Variants in SLC66A2 observed in about 807,000 individuals in gnomAD.
The protein encoded by SLC66A2 is PQ loop repeat containing 1.
Under a neutral mutation model 25.5 loss-of-function variants are expected in SLC66A2, and 23 were observed. The ratio of observed to expected loss-of-function variants is 0.90; its 90% CI spans 0.65 to 1.28. The LOEUF (loss-of-function observed/expected upper bound fraction) is 1.28. Ranked by LOEUF, SLC66A2 falls within the 50% of genes most tolerant of loss-of-function variation. The pLI, the probability that SLC66A2 is intolerant of heterozygous loss-of-function variation, is 0.00. For missense variants in SLC66A2, 396 were observed against 373.1 expected, an observed-to-expected ratio of 1.06 and a Z score of -0.51; for synonymous variants, 193 against 166.5, an observed-to-expected ratio of 1.16 and a Z score of -1.23.
At chr18:79,930,893 G>A (rs1034869046) in intron 4 of SLC66A2, among the ~76,000 whole-genome samples, 2 of 152,148 alleles carry the variant, frequency 1.3e-5, no homozygotes, top group African/African-American at 4.8e-5. Context: ...TTGTTAGGTT[G>A]TAATATATGT....
intron 2 of SLC66A2, among the ~76,000 whole-genome samples, chr18:79,946,087 G>A (rs1173601903): frequency 6.6e-6 from 1 of 152,216 alleles, no homozygotes; most frequent in African/African-American, 2.4e-5. Context: ...AGACGGAGGA[G>A]GAGGCGGGTG....
chr18:79,916,910 C>T (rs193213105), intron 5 of SLC66A2, among the ~76,000 whole-genome samples: 149 of 152,364 alleles, frequency 9.8e-4, no homozygotes, highest in African/African-American at 3.3e-3. Context: ...CCCAGATTTG[C>T]GATGGGTGTC....
chr18:79,912,079 G>T (rs992192172), intron 5 of SLC66A2, among the ~76,000 whole-genome samples: 3 of 140,760 alleles, frequency 2.1e-5, no homozygotes, highest in Non-Finnish European at 4.7e-5. Context: ...GCAGCAGGGA[G>T]GGGACAAGAG....
At position 79,919,296 on chromosome 18, in the gene SLC66A2, C is replaced by T; in HGVS notation, c.496G>A (p.Asp166Asn). 6.2e-7 allele frequency: 1 copy of T among 1,613,328 alleles called. No homozygotes were observed. Among genetic ancestry groups the T allele is most frequent in the Non-Finnish European group, 8.5e-7 (1 of 1,180,026 alleles). ...AGGGTCTCCACAAACAGGGCGGAGT[C>T]AATGGACAGGTAGGTGATGTAGCCC... Reference protein sequence around the residue: ...VAGYITYLSIDSALFVETLGF... With the variant: ...VAGYITYLSINSALFVETLGF... The change falls in exon 5 of 6, where the codon GAC (aspartate) becomes AAC (asparagine). Residue 166 changes from aspartate to asparagine, a missense_variant. Coordinates refer to ENST00000397778, the MANE Select transcript of SLC66A2 (RefSeq NM_025078.5).
At chr18:79,938,260 G>C (rs754278958) in intron 3 of SLC66A2, among the ~76,000 whole-genome samples, 1 of 152,152 alleles carries the variant, frequency 6.6e-6, no homozygotes, top group Non-Finnish European at 1.5e-5. Context: ...CTTGGTAAAC[G>C]CTTGAAATTC....
At chr18:79,924,187 C>T (rs913946557) in intron 4 of SLC66A2, among the ~76,000 whole-genome samples, 8 of 152,262 alleles carry the variant, frequency 5.3e-5, no homozygotes, top group African/African-American at 1.7e-4. Flanking sequence ...AGCTGAGATG[C>T]GTGGTGCAGG....
intron 2 of SLC66A2, chr18:79,949,402 A>T (rs2051041001): frequency 6.6e-6 from 1 of 152,146 alleles, no homozygotes; most frequent in South Asian, 2.1e-4. Flanking sequence ...GCGGTGGCTC[A>T]CGCCTGTAAT....
rs1361548188 is a variant in SLC66A2, at chr18:79,917,588, C to T, written c.608+1596G>A. ...CCGCCGGACAAGGCCCACGTCCAGC[C>T]GGGGAGCCTACATACGACGCCCGCC... On this transcript the variant is annotated intron_variant, in intron 5 of 5. Transcript: ENST00000397778. This position sits in a 1 kb window ranked among gnomAD's most constrained non-coding sequence, Gnocchi z 6.0. Among the ~76,000 whole-genome samples the T allele has an allele frequency of 1.3e-5, 2 of 152,078 alleles. No homozygotes were observed. The highest frequency in any genetic ancestry group is 2.9e-5 in the Non-Finnish European group (2 of 67,976).
At chr18:79,922,399 C>T (rs539904027) in intron 4 of SLC66A2, among the ~76,000 whole-genome samples, 22 of 152,228 alleles carry the variant, frequency 1.4e-4, no homozygotes, top group Admixed American at 1.0e-3. Flanking sequence ...CGCAGCCCCC[C>T]TCGGGTTAAC....
intron 3 of SLC66A2, among the ~76,000 whole-genome samples, chr18:79,939,530 T>C (rs1987451483): frequency 6.6e-6 from 1 of 152,122 alleles, no homozygotes; most frequent in African/African-American, 2.4e-5. Context: ...GGAACTTAAA[T>C]TTACAAGAAA....
rs772106381 is a variant in SLC66A2 at position 79,944,119 on chromosome 18, A to C, written c.204-657T>G. The C allele has an allele frequency of 2.3e-3, 356 of 153,198 alleles. 2 individuals carry two copies. Among genetic ancestry groups the C allele is most frequent in the Non-Finnish European group, 3.1e-3 (209 of 68,344 alleles). The allele number at this position is 153,198 out of a possible 1,614,324, so 9.5% of individuals were successfully genotyped here. A position where few individuals can be genotyped will look rare whatever the true frequency, so the allele number is the denominator to read the frequency against. On this transcript the variant is annotated intron_variant, in intron 2 of 5. Coordinates refer to ENST00000397778, the MANE Select transcript of SLC66A2 (RefSeq NM_025078.5). ...GGCACATTTGGCGCTCCCCAGAACC[A>C]GTGGCCCAGGCACTGGTACCCGGGT...
At position 79,917,314 on chromosome 18, in the gene SLC66A2, T is replaced by G. The variant is rs1984318318; in HGVS notation, c.608+1870A>C. On this transcript the variant is annotated intron_variant, in intron 5 of 5. Transcript: ENST00000397778. This position sits in a 1 kb window ranked among gnomAD's most constrained non-coding sequence, Gnocchi z 6.0. The stretch of plus-strand genomic sequence containing the variant: ...AACAGCAAAACCTGCTACCCTGGAA[T>G]CGAGAGCAACAGCTCCTGCCAAGCC... Among the ~76,000 whole-genome samples, 1 of 152,186 alleles carries G rather than the reference T, an allele frequency of 6.6e-6. No individual in the cohort carries two copies. Among genetic ancestry groups the G allele is most frequent in the Non-Finnish European group, 1.5e-5 (1 of 68,020 alleles).
chr18:79,936,698 A>C (rs989434880), intron 3 of SLC66A2, among the ~76,000 whole-genome samples: 8 of 152,256 alleles, frequency 5.3e-5, no homozygotes, highest in Admixed American at 5.2e-4. Context: ...ACTTTATAAA[A>C]GCAATATTTA....
intron 4 of SLC66A2, among the ~76,000 whole-genome samples, chr18:79,923,653 G>A (rs1013840841): frequency 2.0e-5 from 3 of 152,122 alleles, no homozygotes; most frequent in African/African-American, 4.8e-5. Flanking sequence ...GAAAACATGA[G>A]GAAACACTTC....
intron 2 of SLC66A2, among the ~76,000 whole-genome samples, chr18:79,950,468 T>C (rs111896464): frequency 7.1e-4 from 108 of 152,360 alleles, no homozygotes; most frequent in Middle Eastern, 3.4e-3. Flanking sequence ...TAAGTACCCA[T>C]GTGGAACATC....
rs1048113697 is a variant in SLC66A2 at position 79,904,576 on chromosome 18, C to T, written c.609-393G>A. Among the ~76,000 whole-genome samples, 1 of 152,138 alleles carries T rather than the reference C, an allele frequency of 6.6e-6. No homozygotes were observed. Among genetic ancestry groups the T allele is most frequent in the Non-Finnish European group, 1.5e-5 (1 of 68,008 alleles). ...CAGGGCGAGCAGCTGACGTCAGGGCCCCTGGTGCGCGGTGGCAATTCTGGG... is the reference window on the plus strand; with the variant it reads ...CAGGGCGAGCAGCTGACGTCAGGGCTCCTGGTGCGCGGTGGCAATTCTGGG... On this transcript the variant is annotated intron_variant, in intron 5 of 5. Coordinates refer to ENST00000397778, the MANE Select transcript of SLC66A2 (RefSeq NM_025078.5). This position sits in a 1 kb window ranked among gnomAD's most constrained non-coding sequence, Gnocchi z 6.3.
intron 5 of SLC66A2, among the ~76,000 whole-genome samples, chr18:79,911,673 C>T (rs559233086): frequency 6.6e-6 from 1 of 152,198 alleles, no homozygotes; most frequent in African/African-American, 2.4e-5. Context: ...CACCATGGCA[C>T]GGGGACTGGA....
chr18:79,907,334 G>GTTTTTTTTTTTTTTTTTGTTTTT (rs57635823), intron 5 of SLC66A2, among the ~76,000 whole-genome samples: 1 of 116,896 alleles, frequency 8.6e-6, no homozygotes. Flanking sequence ...TCTTTGTATA[G>GTTTTTTTTTTTTTTTTTGTTTTT]TTTTTTTTTT....
In SLC66A2 at chr18:79,943,467, G is replaced by T; in HGVS notation, c.204-5C>A. The T allele has an allele frequency of 1.2e-6, 2 of 1,612,828 alleles. No homozygotes were observed. Among genetic ancestry groups the T allele is most frequent in the Non-Finnish European group, 1.7e-6 (2 of 1,179,172 alleles). ...GACTCAAAGCGCCTTCCAAACCTGC[G>T]GGAGAGACACTGTGTCAGGAGGGAG... On this transcript the variant is annotated splice_region_variant and splice_polypyrimidine_tract_variant and intron_variant, in intron 2 of 5. Transcript: ENST00000397778.
Sources: allele counts gnomAD v4.1 joint callset (sites outside exome capture counted in the v4.1 genomes callset), GRCh38; gene constraint gnomAD v4.1.1; non-coding constraint Gnocchi (gnomAD v3.1); transcripts MANE v1.5; gene names NCBI Gene and HGNC (gene_info 2026-07-23, HGNC 2026-07-21).